The following GALNTL6 variants were observed in gnomAD, a reference collection of about 807,000 sequenced individuals.
GALNTL6 encodes polypeptide N-acetylgalactosaminyltransferase like 6, also known as polypeptide N-acetylgalactosaminyltransferase-like 6.
In GALNTL6, 46 loss-of-function variants were observed where a neutral mutation model predicts 73.7. That is an observed-to-expected ratio of 0.62 (90% CI 0.49 to 0.80). The LOEUF is 0.80. GALNTL6 is among the 30% of genes least tolerant of loss of function. The pLI is 0.00. For synonymous variants in GALNTL6, 259 were observed against 263.7 expected (o/e 0.98, Z 0.17); for missense variants, 604 against 755.0 (o/e 0.80, Z 2.34).
chr4:172,195,365 T>C (rs747326027), intron 2 of GALNTL6, among the ~76,000 whole-genome samples: 20 of 152,120 alleles, frequency 1.3e-4, no homozygotes, highest in Non-Finnish European at 2.2e-4. Context: ...CTACTGTCAA[T>C]ATTAGATCAC....
intron 2 of GALNTL6, among the ~76,000 whole-genome samples, chr4:171,842,927 A>G (rs1259882845): frequency 6.6e-6 from 1 of 152,126 alleles, no homozygotes; most frequent in African/African-American, 2.4e-5. Flanking sequence ...AAAAGGCCTT[A>G]GTTGTTGCCT....
intron 3 of GALNTL6, among the ~76,000 whole-genome samples, chr4:172,247,500 C>A (rs1227488188): frequency 6.6e-6 from 1 of 152,182 alleles, no homozygotes; most frequent in Non-Finnish European, 1.5e-5. Flanking sequence ...AACAGTCATT[C>A]TCTTAAAAGA....
intron 5 of GALNTL6, among the ~76,000 whole-genome samples, chr4:172,673,648 G>T (rs113864744): frequency 0.03 from 4,578 of 152,090 alleles, 107 homozygotes; most frequent in Non-Finnish European, 0.05. Context: ...TATAACTCTG[G>T]GTGCTCCTCT....
intron 2 of GALNTL6, among the ~76,000 whole-genome samples, chr4:172,099,805 T>C (rs892855198): frequency 3.3e-5 from 5 of 152,232 alleles, no homozygotes; most frequent in Admixed American, 6.5e-5. Context: ...TACTTAAATA[T>C]AAGAAGTTTC....
chr4:172,996,481 C>T (rs762527480), intron 10 of GALNTL6, among the ~76,000 whole-genome samples: 4 of 152,052 alleles, frequency 2.6e-5, no homozygotes, highest in Non-Finnish European at 5.9e-5. Context: ...GTACAACAAA[C>T]CCCCATGACA....
chr4:172,481,654 G>A (rs1335564098), intron 5 of GALNTL6, among the ~76,000 whole-genome samples: 5 of 152,142 alleles, frequency 3.3e-5, no homozygotes, highest in Non-Finnish European at 5.9e-5. Flanking sequence ...CGTCTAGCTA[G>A]ACATAAAAGT....
rs35699070 is a variant in GALNTL6 at position 172,131,428 on chromosome 4, TACAC to T, written c.139-98217_139-98214del. Among the ~76,000 whole-genome samples the T allele has an allele frequency of 8.6e-3, 1,188 of 138,878 alleles. 10 individuals are homozygous for T. The highest frequency in any genetic ancestry group is 0.018 in the East Asian group (86 of 4,786). The allele number at this position is 138,878 out of a possible 152,430, so 91.1% of individuals were successfully genotyped here. The stretch of plus-strand genomic sequence containing the variant: ...TAAAATATATATATATATATATATA[TACAC>T]ACACACACACGCATATATATTTTAT... On this transcript the variant is annotated intron_variant, in intron 2 of 12. Transcript: ENST00000506823.
At chr4:172,317,043 T>TG (rs1258565432) in intron 4 of GALNTL6, among the ~76,000 whole-genome samples, 1 of 152,208 alleles carries the variant, frequency 6.6e-6, no homozygotes, top group African/African-American at 2.4e-5. Flanking sequence ...GTTTGTCTAA[T>TG]GACTGTCCTG....
intron 2 of GALNTL6, among the ~76,000 whole-genome samples, chr4:172,150,802 CACCT>C (rs1355161335): frequency 6.6e-6 from 1 of 152,058 alleles, no homozygotes; most frequent in Non-Finnish European, 1.5e-5. Flanking sequence ...TAAGCATACT[CACCT>C]AATAATTTTA....
intron 4 of GALNTL6, among the ~76,000 whole-genome samples, chr4:172,313,148 T>C (rs13146784): frequency 0.17 from 22,884 of 132,984 alleles, 2,080 homozygotes; most frequent in East Asian, 0.24. Context: ...TTTTTTTAGG[T>C]GGAGTCTCCC....
intron 10 of GALNTL6, among the ~76,000 whole-genome samples, chr4:173,002,649 G>A (rs1752093864): frequency 6.6e-6 from 1 of 151,470 alleles, no homozygotes; most frequent in South Asian, 2.1e-4. Flanking sequence ...AAAAAAATTA[G>A]CCAGGCGTGG....
In GALNTL6 at chr4:172,741,070, G is replaced by A. The variant is rs893590866; in HGVS notation, c.554-68291G>A. Among the ~76,000 whole-genome samples, 23 of 147,788 alleles carry A rather than the reference G, an allele frequency of 1.6e-4. 1 individual carries two copies. The highest frequency in any genetic ancestry group is 2.8e-4 in the Non-Finnish European group (19 of 67,116). ...GATAGTTATATTGTATAAAATCACC[G>A]TGAACACTGAATTAGTGAATGTTGA... On this transcript the variant is annotated intron_variant, in intron 5 of 12. Coordinates refer to ENST00000506823, the MANE Select transcript of GALNTL6 (RefSeq NM_001034845.3).
intron 7 of GALNTL6, among the ~76,000 whole-genome samples, chr4:172,870,920 A>C (rs750550213): frequency 1.3e-5 from 2 of 152,226 alleles, no homozygotes; most frequent in Non-Finnish European, 2.9e-5. Context: ...GAAAGAGACA[A>C]GGACAATTGA....
intron 7 of GALNTL6, among the ~76,000 whole-genome samples, chr4:172,856,419 T>C (rs1329218463): frequency 6.6e-6 from 1 of 152,218 alleles, no homozygotes. Flanking sequence ...ATTATATGGG[T>C]ACTTATTTTC....
intron 5 of GALNTL6, among the ~76,000 whole-genome samples, chr4:172,431,423 A>G (rs1561080124): frequency 6.6e-6 from 1 of 152,166 alleles, no homozygotes; most frequent in Non-Finnish European, 1.5e-5. Flanking sequence ...AATTATCTTT[A>G]TGGTTTCACA....
chr4:172,208,180 T>G (rs908990434), intron 2 of GALNTL6, among the ~76,000 whole-genome samples: 1 of 152,184 alleles, frequency 6.6e-6, no homozygotes, highest in Admixed American at 6.5e-5. Context: ...TGAGCTGTCG[T>G]CTGATCTCAA....
At chr4:171,998,028 C>G (rs1453867884) in intron 2 of GALNTL6, among the ~76,000 whole-genome samples, 1 of 152,122 alleles carries the variant, frequency 6.6e-6, no homozygotes, top group Non-Finnish European at 1.5e-5. Flanking sequence ...CCACATCTTA[C>G]TGTAGCATGG....
At chr4:172,277,313 G>T (rs1738869253) in intron 3 of GALNTL6, among the ~76,000 whole-genome samples, 2 of 151,858 alleles carry the variant, frequency 1.3e-5, no homozygotes, top group Admixed American at 6.6e-5. Context: ...CATCCTGCCT[G>T]CAGGATCCCA....
chr4:171,929,235 T>G (rs1183186811), intron 2 of GALNTL6, among the ~76,000 whole-genome samples: 1 of 152,078 alleles, frequency 6.6e-6, no homozygotes, highest in Non-Finnish European at 1.5e-5. Context: ...CCCAGCTAAT[T>G]TTTTACATTT....
Sources: gnomAD v4.1 joint callset for allele counts (sites outside exome capture counted in the v4.1 genomes callset) on GRCh38, gnomAD v4.1.1 for gene constraint, MANE v1.5 for transcripts, NCBI Gene and HGNC (gene_info 2026-07-23, HGNC 2026-07-21) for gene names.